HS6ST3: variants seen among roughly 807,000 people sequenced by gnomAD.
The protein encoded by HS6ST3 is heparan sulfate 6-O-sulfotransferase 3.
A neutral mutation model predicts 36.7 loss-of-function variants in HS6ST3; 12 were observed. The ratio of observed to expected loss-of-function variants is 0.33; its 90% CI spans 0.21 to 0.53. The LOEUF (loss-of-function observed/expected upper bound fraction) is 0.53. HS6ST3 is among the 20% of genes least tolerant of loss of function. The pLI is 0.95. For synonymous variants in HS6ST3, 240 were observed against 257.5 expected, an observed-to-expected ratio of 0.93 and a Z score of 0.65; for missense variants, 584 against 640.9, an observed-to-expected ratio of 0.91 and a Z score of 0.96.
intron 1 of HS6ST3, among the ~76,000 whole-genome samples, chr13:96,253,526 CT>C (rs2054617580): frequency 6.6e-6 from 1 of 152,172 alleles, no homozygotes; most frequent in Admixed American, 6.5e-5. Context: ...CTCAACTAGA[CT>C]TCAGGGCTCC....
At chr13:96,752,883 T>C (rs1277307280) in intron 1 of HS6ST3, among the ~76,000 whole-genome samples, 1 of 152,232 alleles carries the variant, frequency 6.6e-6, no homozygotes, top group Non-Finnish European at 1.5e-5. Context: ...ATATTTCCCC[T>C]ATATTTTTAA....
intron 1 of HS6ST3, among the ~76,000 whole-genome samples, chr13:96,623,113 G>A (rs2056500519): frequency 6.6e-6 from 1 of 151,726 alleles, no homozygotes. Context: ...CATTTTATTT[G>A]GTAATTTTGC....
chr13:96,419,398 C>T (rs1257254388), intron 1 of HS6ST3, among the ~76,000 whole-genome samples: 1 of 151,864 alleles, frequency 6.6e-6, no homozygotes, highest in Non-Finnish European at 1.5e-5. Flanking sequence ...TCTGATTGAG[C>T]CTAGACAGAG....
chr13:96,512,653 T>C (rs767523447), intron 1 of HS6ST3, among the ~76,000 whole-genome samples: 17 of 152,164 alleles, frequency 1.1e-4, no homozygotes, highest in Non-Finnish European at 2.2e-4. Context: ...TTGTTGCCAT[T>C]GTGAGTGGTT....
intron 1 of HS6ST3, among the ~76,000 whole-genome samples, chr13:96,529,683 A>C (rs1350775178): frequency 6.6e-6 from 1 of 152,144 alleles, no homozygotes; most frequent in Non-Finnish European, 1.5e-5. Flanking sequence ...AATGTGCCAT[A>C]ATTCATTTAT....
At chr13:96,231,090 A>G (rs1302152298) in intron 1 of HS6ST3, among the ~76,000 whole-genome samples, 2 of 152,042 alleles carry the variant, frequency 1.3e-5, no homozygotes, top group East Asian at 1.9e-4. Context: ...CCAGTTAGGA[A>G]AGCAGGGAGG....
rs145927142 is a variant in HS6ST3 at position 96,352,115 on chromosome 13, G to A, written c.707+260546G>A. On this transcript the variant is annotated intron_variant, in intron 1 of 1. Transcript: ENST00000376705. ...ATGAGGAGGTCCATTCTATGTAAAT[G>A]AGTCTTTAAACTCAATGCCTTTCTA... 3.6e-4 allele frequency among the ~76,000 whole-genome samples: 55 copies of A among 152,316 alleles called. 1 individual carries two copies. Among genetic ancestry groups the A allele is most frequent in the African/African-American group, 1.2e-3 (51 of 41,576 alleles).
chr13:96,184,832 A>T (rs752117187), intron 1 of HS6ST3, among the ~76,000 whole-genome samples: 1 of 151,840 alleles, frequency 6.6e-6, no homozygotes, highest in Non-Finnish European at 1.5e-5. Context: ...TTGATTGATT[A>T]TTGATTTTCT....
At chr13:96,547,894 T>C (rs1020544493) in intron 1 of HS6ST3, among the ~76,000 whole-genome samples, 15 of 151,946 alleles carry the variant, frequency 9.9e-5, no homozygotes, top group African/African-American at 2.9e-4. Context: ...TTTTTAATCT[T>C]AGAGATTTGC....
intron 1 of HS6ST3, among the ~76,000 whole-genome samples, chr13:96,589,721 T>C (rs1444043431): frequency 6.6e-6 from 1 of 152,138 alleles, no homozygotes; most frequent in African/African-American, 2.4e-5. Flanking sequence ...ATTTAATTTA[T>C]ATAGTTAAAT....
At chr13:96,381,438 C>CTATCTATCTATCTATCTATCTATCTATCT (rs1405254584) in intron 1 of HS6ST3, among the ~76,000 whole-genome samples, 1 of 151,692 alleles carries the variant, frequency 6.6e-6, no homozygotes, top group East Asian at 1.9e-4. Flanking sequence ...ATCTATCTAT[C>CTATCTATCTATCTATCTATCTATCTATCT]ACTCATTCCA....
intron 1 of HS6ST3, among the ~76,000 whole-genome samples, chr13:96,283,566 T>C (rs1214277885): frequency 1.3e-5 from 2 of 152,192 alleles, no homozygotes; most frequent in Non-Finnish European, 2.9e-5. Flanking sequence ...GAGGGAATAG[T>C]GTCCTAAATT....
chr13:96,460,484 A>G (rs575615175), intron 1 of HS6ST3, among the ~76,000 whole-genome samples: 1 of 152,242 alleles, frequency 6.6e-6, no homozygotes, highest in South Asian at 2.1e-4. Context: ...ACATATATTT[A>G]GTTTATCTTC....
intron 1 of HS6ST3, among the ~76,000 whole-genome samples, chr13:96,401,236 C>T (rs149353788): frequency 3.8e-4 from 58 of 152,256 alleles, no homozygotes; most frequent in African/African-American, 1.3e-3. Context: ...TACTATTGAA[C>T]ATCATTCTAT....
intron 1 of HS6ST3, among the ~76,000 whole-genome samples, chr13:96,181,865 T>TC (rs1156435725): frequency 3.3e-5 from 5 of 152,138 alleles, no homozygotes; most frequent in African/African-American, 1.2e-4. Flanking sequence ...CTTTTTTTTC[T>TC]CCCCCCACTG....
intron 1 of HS6ST3, among the ~76,000 whole-genome samples, chr13:96,690,863 A>G (rs1874937488): frequency 6.6e-6 from 1 of 152,044 alleles, no homozygotes; most frequent in Admixed American, 6.6e-5. Flanking sequence ...CTCAACTATG[A>G]TTGTTTTTAA....
chr13:96,367,909 C>T (rs183095403), intron 1 of HS6ST3, among the ~76,000 whole-genome samples: 18 of 152,318 alleles, frequency 1.2e-4, no homozygotes, highest in Admixed American at 1.2e-3. Flanking sequence ...GAGCAGCGTT[C>T]TTTCAACAAG....
chr13:96,603,368 T>C (rs1440251915), intron 1 of HS6ST3, among the ~76,000 whole-genome samples: 2 of 152,360 alleles, frequency 1.3e-5, no homozygotes, highest in East Asian at 1.9e-4. Context: ...CTCAACTTTA[T>C]GTTTGTGATG....
intron 1 of HS6ST3, among the ~76,000 whole-genome samples, chr13:96,706,752 G>T (rs1293171991): frequency 6.6e-6 from 1 of 151,978 alleles, no homozygotes; most frequent in Non-Finnish European, 1.5e-5. Flanking sequence ...AATATTTAAA[G>T]ACAGCTACAG....
Sources: allele counts gnomAD v4.1 joint callset (sites outside exome capture counted in the v4.1 genomes callset), GRCh38; gene constraint gnomAD v4.1.1; transcripts MANE v1.5; gene names NCBI Gene and HGNC (gene_info 2026-07-23, HGNC 2026-07-21).